Variants in CAMTA1 observed in about 807,000 individuals in gnomAD.
CAMTA1 encodes the protein calmodulin-binding transcription activator 1.
In CAMTA1, 27 loss-of-function variants were observed where a neutral mutation model predicts 170.9. The ratio of observed to expected loss-of-function variants is 0.16; its 90% confidence interval spans 0.12 to 0.22. CAMTA1 has a LOEUF of 0.22. Ranked by LOEUF, CAMTA1 falls within the 10% of genes least tolerant of loss-of-function variation. The pLI, the probability that CAMTA1 is intolerant of heterozygous loss-of-function variation, is 1.00. For synonymous variants in CAMTA1, 833 were observed against 891.5 expected, an observed-to-expected ratio of 0.93 and a Z score of 1.17; for missense variants, 1,619 against 2,217.2, an observed-to-expected ratio of 0.73 and a Z score of 5.42.
chr1:7,293,445 C>T lies in CAMTA1; in HGVS notation c.438+43819C>T, dbSNP rs913588899. On this transcript the variant is annotated intron_variant, in intron 5 of 22. Transcript: ENST00000303635. This position sits in a 1 kb window ranked among gnomAD's most constrained non-coding sequence, Gnocchi z 4.1. ...TGAAGACAGAAGAGTCACAATGAGCCGATTTATAGAGTACATGGGGTGTTG... is the reference window on the plus strand; with the variant it reads ...TGAAGACAGAAGAGTCACAATGAGCTGATTTATAGAGTACATGGGGTGTTG... Among the ~76,000 whole-genome samples the T allele has an allele frequency of 6.6e-6, 1 of 152,106 alleles. No individual in the cohort carries two copies. The highest frequency in any genetic ancestry group is 1.5e-5 in the Non-Finnish European group (1 of 68,018).
intron 6 of CAMTA1, among the ~76,000 whole-genome samples, chr1:7,484,209 G>C (rs537520368): frequency 5.3e-5 from 8 of 152,146 alleles, no homozygotes; most frequent in Non-Finnish European, 1.2e-4. Context: ...ACAGAGGGGG[G>C]CCCACCTCAG....
chr1:7,269,398 A>G (rs149168051), intron 5 of CAMTA1, among the ~76,000 whole-genome samples: 98 of 152,360 alleles, frequency 6.4e-4, no homozygotes, highest in African/African-American at 2.1e-3. Context: ...AAAGTTTGCT[A>G]GCAATATAGA....
At chr1:7,503,665 AC>A (rs1250400125) in intron 6 of CAMTA1, among the ~76,000 whole-genome samples, 1 of 152,166 alleles carries the variant, frequency 6.6e-6, no homozygotes, top group Non-Finnish European at 1.5e-5. Flanking sequence ...AGTCTAGGGC[AC>A]CTGAAGGCTC....
At chr1:7,501,066 A>G (rs1402979343) in intron 6 of CAMTA1, among the ~76,000 whole-genome samples, 1 of 152,004 alleles carries the variant, frequency 6.6e-6, no homozygotes, top group East Asian at 1.9e-4. Context: ...AGCGGTTACC[A>G]CCCACCTGTG....
intron 4 of CAMTA1, among the ~76,000 whole-genome samples, chr1:7,172,001 C>T (rs1649715963): frequency 6.6e-6 from 1 of 152,194 alleles, no homozygotes; most frequent in African/African-American, 2.4e-5. Context: ...TTTGTTTATC[C>T]ATTCATCTGC....
chr1:7,584,179 G>A (rs1016099792), intron 6 of CAMTA1, among the ~76,000 whole-genome samples: 1 of 152,076 alleles, frequency 6.6e-6, no homozygotes, highest in Non-Finnish European at 1.5e-5. Flanking sequence ...GTTATTCCAG[G>A]GGCGCCATGA....
At chr1:7,013,034 C>T (rs1700033814) in intron 3 of CAMTA1, among the ~76,000 whole-genome samples, 1 of 139,764 alleles carries the variant, frequency 7.2e-6, no homozygotes, top group Non-Finnish European at 1.6e-5. Context: ...GGGATCATCC[C>T]TGAGTCCCCT....
intron 6 of CAMTA1, among the ~76,000 whole-genome samples, chr1:7,604,249 GT>G (rs1399468722): frequency 6.6e-6 from 1 of 152,202 alleles, no homozygotes; most frequent in African/African-American, 2.4e-5. Context: ...GATTGGGGAA[GT>G]TCTCCTGGAT....
At chr1:7,373,255 A>G (rs1482914512) in intron 5 of CAMTA1, among the ~76,000 whole-genome samples, 1 of 152,110 alleles carries the variant, frequency 6.6e-6, no homozygotes, top group African/African-American at 2.4e-5. Flanking sequence ...GCCAGTCGTG[A>G]CTGCTAAGCA....
intron 6 of CAMTA1, among the ~76,000 whole-genome samples, chr1:7,533,108 C>G (rs2094509271): frequency 6.6e-6 from 1 of 152,178 alleles, no homozygotes; most frequent in Non-Finnish European, 1.5e-5. Context: ...GCTGTGGTGC[C>G]CGGGTGCTGG....
At chr1:7,395,839 G>C in intron 5 of CAMTA1, among the ~76,000 whole-genome samples, 1 of 151,920 alleles carries the variant, frequency 6.6e-6, no homozygotes, top group East Asian at 1.9e-4. Flanking sequence ...GGTAGCTATG[G>C]TAAATGGGGT....
intron 20 of CAMTA1, among the ~76,000 whole-genome samples, chr1:7,751,938 G>C (rs1187697915): frequency 6.6e-6 from 1 of 152,194 alleles, no homozygotes; most frequent in African/African-American, 2.4e-5. Flanking sequence ...GACACAAATG[G>C]GAAATGAGTG....
intron 16 of CAMTA1, among the ~76,000 whole-genome samples, chr1:7,739,852 G>A (rs1237220342): frequency 6.6e-6 from 1 of 152,102 alleles, no homozygotes; most frequent in Admixed American, 6.5e-5. Flanking sequence ...ACTGACCACC[G>A]CAGTTTCCCT....
chr1:7,180,831 T>C (rs977944572), intron 4 of CAMTA1, among the ~76,000 whole-genome samples: 4 of 152,206 alleles, frequency 2.6e-5, no homozygotes, highest in African/African-American at 9.6e-5. Context: ...AAAGACCAGA[T>C]ATTCTTCATT....
chr1:7,467,832 C>T lies in CAMTA1; in HGVS notation c.441C>T (p.Cys147=), dbSNP rs930078153. 3.1e-6 allele frequency: 5 copies of T among 1,613,198 alleles called. No individual in the cohort carries two copies. Among genetic ancestry groups the T allele is most frequent in the Non-Finnish European group, 3.4e-6 (4 of 1,179,116 alleles). ...HMKLKVQGVE[C]LYGCYVHSSI... ...TCTCGTTTTTCCTCTCTCCCTAGTG[C>T]TTGTACGGCTGCTATGTCCATTCCT... is the stretch of plus-strand genomic sequence containing the variant. The change falls in exon 6 of 23, where the codon TGC becomes TGT. Residue 147 remains cysteine (C), a splice_region_variant and synonymous_variant. Transcript: ENST00000303635.
chr1:7,632,373 T>A (rs1205437510), intron 6 of CAMTA1, among the ~76,000 whole-genome samples: 3 of 152,076 alleles, frequency 2.0e-5, no homozygotes, highest in Admixed American at 1.3e-4. Flanking sequence ...TTCTGGGTAA[T>A]GTATACATTT....
intron 6 of CAMTA1, among the ~76,000 whole-genome samples, chr1:7,499,935 AGAG>A (rs2093954109): frequency 4.2e-5 from 5 of 117,768 alleles, no homozygotes; most frequent in Admixed American, 1.7e-4. Flanking sequence ...GAGTGTGCAG[AGAG>A]GATGAGTGTG....
chr1:7,657,298 A>G (rs147462639), intron 7 of CAMTA1, among the ~76,000 whole-genome samples: 46 of 152,294 alleles, frequency 3.0e-4, no homozygotes, highest in African/African-American at 8.9e-4. Flanking sequence ...CAAGGCTCCA[A>G]CTATGGGGAG....
intron 3 of CAMTA1, among the ~76,000 whole-genome samples, chr1:6,929,346 ATTT>A (rs5772260): frequency 6.8e-6 from 1 of 146,094 alleles, no homozygotes; most frequent in Non-Finnish European, 1.5e-5. Flanking sequence ...TGCCCAGCTA[ATTT>A]TTTTTTTTTT....
Sources: allele counts gnomAD v4.1 joint callset (sites outside exome capture counted in the v4.1 genomes callset), GRCh38; gene constraint gnomAD v4.1.1; non-coding constraint Gnocchi (gnomAD v3.1); transcripts MANE v1.5; gene names NCBI Gene and HGNC (gene_info 2026-07-23, HGNC 2026-07-21).